The following RBFOX1 variants were observed in gnomAD, a reference collection of about 807,000 sequenced individuals.
RBFOX1 encodes the protein RNA binding protein fox-1 homolog 1.
Under a neutral mutation model 57.7 loss-of-function variants are expected in RBFOX1, and 8 were observed. The ratio of observed to expected loss-of-function variants is 0.14; its 90% CI spans 0.08 to 0.25. The LOEUF (loss-of-function observed/expected upper bound fraction) is 0.25, where lower values mean the gene tolerates loss of function less well. Ranked by LOEUF, RBFOX1 falls within the 10% of genes least tolerant of loss-of-function variation. The pLI is 1.00. For synonymous variants in RBFOX1, 326 were observed against 222.4 expected, an observed-to-expected ratio of 1.47 and a Z score of -4.15; for missense variants, 611 against 548.5, an observed-to-expected ratio of 1.11 and a Z score of -1.14.
intron 3 of RBFOX1, among the ~76,000 whole-genome samples, chr16:5,763,699 C>G (rs933418901): frequency 1.3e-5 from 2 of 152,160 alleles, no homozygotes; most frequent in African/African-American, 2.4e-5. Flanking sequence ...CGATTTAGCC[C>G]CAACGATCAG....
intron 1 of RBFOX1, among the ~76,000 whole-genome samples, chr16:6,111,285 G>C (rs958805818): frequency 2.0e-5 from 3 of 152,176 alleles, no homozygotes; most frequent in African/African-American, 7.2e-5. Context: ...TCTCATATCA[G>C]CCTTGTGACA....
chr16:6,795,872 C>G (rs1321208007), intron 3 of RBFOX1, among the ~76,000 whole-genome samples: 1 of 151,912 alleles, frequency 6.6e-6, no homozygotes, highest in East Asian at 1.9e-4. Flanking sequence ...AAAATCACCC[C>G]CTGCCTTCCC....
intron 14 of RBFOX1, among the ~76,000 whole-genome samples, chr16:7,700,555 G>T (rs1477564780): frequency 6.6e-6 from 1 of 152,172 alleles, no homozygotes; most frequent in Non-Finnish European, 1.5e-5. Flanking sequence ...GGGGTGCCAT[G>T]GTGATTTCAA....
At chr16:7,615,234 G>A (rs964412559) in intron 10 of RBFOX1, among the ~76,000 whole-genome samples, 2 of 152,164 alleles carry the variant, frequency 1.3e-5, no homozygotes, top group Admixed American at 6.5e-5. Context: ...TGGGGAGGCT[G>A]AGGCAGGAGA....
intron 13 of RBFOX1, among the ~76,000 whole-genome samples, chr16:7,666,756 TGACTA>T (rs1375706690): frequency 4.6e-5 from 7 of 152,194 alleles, no homozygotes; most frequent in African/African-American, 1.7e-4. Context: ...GCCAACCACT[TGACTA>T]GAGAGGAAAA....
chr16:7,332,220 G>C (rs989687650), intron 4 of RBFOX1, among the ~76,000 whole-genome samples: 1 of 152,206 alleles, frequency 6.6e-6, no homozygotes, highest in Non-Finnish European at 1.5e-5. Context: ...CATTTAACTA[G>C]TATCAGCCCT....
chr16:6,395,477 TG>T (rs2092788763), intron 2 of RBFOX1, among the ~76,000 whole-genome samples: 1 of 152,196 alleles, frequency 6.6e-6, no homozygotes, highest in African/African-American at 2.4e-5. Flanking sequence ...ATTGCATGGT[TG>T]TTTTGACCTT....
At chr16:5,846,461 G>T (rs771481599) in intron 3 of RBFOX1, among the ~76,000 whole-genome samples, 1 of 152,182 alleles carries the variant, frequency 6.6e-6, no homozygotes, top group African/African-American at 2.4e-5. Context: ...TGTTCACTGA[G>T]TGTGCCAACC....
intron 1 of RBFOX1, among the ~76,000 whole-genome samples, chr16:6,041,209 G>T (rs1005189628): frequency 6.6e-6 from 1 of 152,124 alleles, no homozygotes; most frequent in Admixed American, 6.5e-5. Flanking sequence ...ATGATATGCA[G>T]CCCCAGTAGG....
rs949126938 is a variant in RBFOX1, at chr16:5,543,995, C to G, written c.259-54907C>G. ...ATTATGATTGAACGTCAATACACTGCTTACAACAATTGATACAGAGAGTAG... is the reference window on the plus strand; with the variant it reads ...ATTATGATTGAACGTCAATACACTGGTTACAACAATTGATACAGAGAGTAG... On this transcript the variant is annotated intron_variant, in intron 2 of 2. Transcript: ENST00000585867. Among the ~76,000 whole-genome samples, 4 of 152,264 alleles carry G rather than the reference C, an allele frequency of 2.6e-5. No homozygotes were observed. In the East Asian group the frequency reaches 7.7e-4, roughly 29 times the overall value.
At chr16:7,556,005 A>ACC in intron 5 of RBFOX1, among the ~76,000 whole-genome samples, 2 of 152,112 alleles carry the variant, frequency 1.3e-5, no homozygotes, top group African/African-American at 4.8e-5. Flanking sequence ...CTGGAATTGC[A>ACC]TACTTAGTGC....
chr16:5,893,117 C>G (rs1465488191), intron 4 of RBFOX1, among the ~76,000 whole-genome samples: 1 of 152,180 alleles, frequency 6.6e-6, no homozygotes, highest in African/African-American at 2.4e-5. Flanking sequence ...TGGCATTTTA[C>G]CTCACATTAT....
At chr16:6,689,762 C>T (rs1337782488) in intron 3 of RBFOX1, among the ~76,000 whole-genome samples, 3 of 152,202 alleles carry the variant, frequency 2.0e-5, no homozygotes, top group Non-Finnish European at 4.4e-5. Context: ...AAACAGAGAG[C>T]CCAGCTGTTT....
At chr16:6,355,073 T>A (rs2087047033) in intron 2 of RBFOX1, among the ~76,000 whole-genome samples, 1 of 152,220 alleles carries the variant, frequency 6.6e-6, no homozygotes. Context: ...TCTTGGTTTC[T>A]AAGACCATTC....
At chr16:5,265,462 C>T (rs769007873) in intron 1 of RBFOX1, among the ~76,000 whole-genome samples, 2 of 152,208 alleles carry the variant, frequency 1.3e-5, no homozygotes, top group South Asian at 2.1e-4. Context: ...AAATTAAACA[C>T]CTTAATCATG....
intron 14 of RBFOX1, among the ~76,000 whole-genome samples, chr16:7,690,546 G>A (rs191637716): frequency 2.0e-5 from 3 of 152,208 alleles, no homozygotes; most frequent in Non-Finnish European, 2.9e-5. Flanking sequence ...TTAAATTCAC[G>A]GGTCTGTGTT....
At chr16:6,902,926 TCTTTA>T (rs1255445866) in intron 3 of RBFOX1, among the ~76,000 whole-genome samples, 2 of 152,202 alleles carry the variant, frequency 1.3e-5, no homozygotes, top group Non-Finnish European at 2.9e-5. Context: ...TAGATTCTAC[TCTTTA>T]CTTGTTCGGG....
intron 4 of RBFOX1, among the ~76,000 whole-genome samples, chr16:7,278,251 C>G (rs1354488386): frequency 6.6e-6 from 1 of 152,150 alleles, no homozygotes; most frequent in Non-Finnish European, 1.5e-5. Flanking sequence ...TCACAAACCC[C>G]TTGATTGAAT....
intron 4 of RBFOX1, among the ~76,000 whole-genome samples, chr16:7,257,604 G>A (rs1057148009): frequency 7.2e-5 from 11 of 152,082 alleles, no homozygotes; most frequent in African/African-American, 2.7e-4. Context: ...CCTACCAAGA[G>A]CCCCTTCCCG....
Sources: allele counts gnomAD v4.1 joint callset (sites outside exome capture counted in the v4.1 genomes callset), GRCh38; gene constraint gnomAD v4.1.1; transcripts MANE v1.5; gene names NCBI Gene and HGNC (gene_info 2026-07-23, HGNC 2026-07-21).